The following NLGN4X variants were observed in gnomAD, a reference collection of about 807,000 sequenced individuals.
The protein encoded by NLGN4X is neuroligin 4 X-linked.
In NLGN4X, 3 loss-of-function variants were observed where a neutral mutation model predicts 40.3. The ratio of observed to expected loss-of-function variants is 0.07; its 90% CI spans 0.03 to 0.19. The LOEUF (loss-of-function observed/expected upper bound fraction) is 0.19, where lower values mean the gene tolerates loss of function less well. Ranked by LOEUF, NLGN4X falls within the 10% of genes least tolerant of loss-of-function variation. The pLI is 1.00. For missense variants in NLGN4X, 382 were observed against 708.3 expected (o/e 0.54, Z 5.23); for synonymous variants, 270 against 306.8 (o/e 0.88, Z 1.25).
intron 3 of NLGN4X, among the ~76,000 whole-genome samples, chrX:6,019,237 C>G (rs2036471605): frequency 8.9e-6 from 1 of 112,021 alleles, no homozygotes; most frequent in Non-Finnish European, 1.9e-5. Context: ...TCACTGCTGT[C>G]ATGCATGTAC....
At chrX:5,942,649 T>C (rs914421919) in intron 3 of NLGN4X, among the ~76,000 whole-genome samples, 4 of 106,750 alleles carry the variant, frequency 3.7e-5, no homozygotes, top group African/African-American at 1.4e-4. Context: ...AGAAAGACTC[T>C]GTCTCAAAAT....
chrX:5,925,899 T>TAGAA (rs1555921219), intron 3 of NLGN4X, among the ~76,000 whole-genome samples: 1 of 31,307 alleles, frequency 3.2e-5, no homozygotes, highest in Non-Finnish European at 4.7e-5. Context: ...TATATATATA[T>TAGAA]ATATATATAT....
At chrX:6,197,490 C>T (rs5916326) in intron 1 of NLGN4X, among the ~76,000 whole-genome samples, 10,687 of 103,682 alleles carry the variant, frequency 0.1, 506 homozygotes, top group South Asian at 0.17. Context: ...TGGTTGCTCT[C>T]GAACTCCTGG....
intron 1 of NLGN4X, among the ~76,000 whole-genome samples, chrX:6,177,445 C>A (rs891366264): frequency 3.6e-5 from 4 of 111,973 alleles, no homozygotes; most frequent in Non-Finnish European, 7.5e-5. Flanking sequence ...GGATTACAGG[C>A]GTGAGCCACT....
chrX:5,917,230 A>G (rs892870328), intron 3 of NLGN4X, among the ~76,000 whole-genome samples: 1 of 112,609 alleles, frequency 8.9e-6, no homozygotes, highest in Admixed American at 9.4e-5. Flanking sequence ...TCATGGACCC[A>G]GCACCATTTG....
At chrX:6,190,250 C>T (rs747792110) in intron 1 of NLGN4X, among the ~76,000 whole-genome samples, 9 of 111,219 alleles carry the variant, frequency 8.1e-5, no homozygotes, top group Non-Finnish European at 1.7e-4. Context: ...AGGACATGAC[C>T]TTGACAATCT....
chrX:6,140,358 G>C (rs2039918021), intron 2 of NLGN4X, among the ~76,000 whole-genome samples: 2 of 109,729 alleles, frequency 1.8e-5, no homozygotes, highest in Admixed American at 2.0e-4. Flanking sequence ...TTTAGGTGTT[G>C]TAAAACTTGG....
intron 1 of NLGN4X, among the ~76,000 whole-genome samples, chrX:6,214,770 C>G (rs763275478): frequency 5.5e-4 from 61 of 111,887 alleles, no homozygotes; most frequent in African/African-American, 2.0e-3. Flanking sequence ...TCATCACAGA[C>G]AAAGCCCTGT....
chrX:6,200,682 C>CTTTTCTTTTT (rs1556005122), intron 1 of NLGN4X, among the ~76,000 whole-genome samples: 10 of 71,633 alleles, frequency 1.4e-4, no homozygotes, highest in African/African-American at 6.4e-4. Flanking sequence ...TATTCCTTTC[C>CTTTTCTTTTT]TTTTCTTTTT....
intron 1 of NLGN4X, among the ~76,000 whole-genome samples, chrX:6,177,101 A>T (rs1920966885): frequency 8.9e-6 from 1 of 111,913 alleles, no homozygotes; most frequent in African/African-American, 3.2e-5. Context: ...GAGAGCATAC[A>T]ACTCCCCTTA....
chrX:6,149,094 G>T (rs1484006939), intron 2 of NLGN4X, among the ~76,000 whole-genome samples: 1 of 112,201 alleles, frequency 8.9e-6, no homozygotes, highest in Non-Finnish European at 1.9e-5. Flanking sequence ...ATGAAGTTTG[G>T]ATTACTTTTT....
intron 2 of NLGN4X, among the ~76,000 whole-genome samples, chrX:6,127,027 C>T (rs983332158): frequency 1.8e-5 from 2 of 110,288 alleles, no homozygotes; most frequent in African/African-American, 6.6e-5. Flanking sequence ...TCCTCATCTC[C>T]ACTCCTCTCT....
chrX:6,080,231 G>A (rs976691063), intron 2 of NLGN4X, among the ~76,000 whole-genome samples: 5 of 111,662 alleles, frequency 4.5e-5, no homozygotes, highest in Non-Finnish European at 9.4e-5. Context: ...GAAAATGACT[G>A]TATTTGAAAG....
chrX:6,064,295 G>A (rs1017891436), intron 2 of NLGN4X, among the ~76,000 whole-genome samples: 6 of 111,520 alleles, frequency 5.4e-5, no homozygotes, highest in South Asian at 3.8e-4. Flanking sequence ...GCCACACAGC[G>A]GGGAAGGCTG....
intron 1 of NLGN4X, among the ~76,000 whole-genome samples, chrX:6,207,956 C>T (rs1467904572): frequency 8.9e-6 from 1 of 111,908 alleles, no homozygotes. Flanking sequence ...AACACATCTG[C>T]CACATAAATT....
intron 3 of NLGN4X, among the ~76,000 whole-genome samples, chrX:6,001,830 G>T (rs926840279): frequency 1.8e-5 from 2 of 111,549 alleles, no homozygotes; most frequent in Admixed American, 9.5e-5. Flanking sequence ...ATCCAAGATA[G>T]AATACATTGA....
chrX:5,913,484 C>T, intron 3 of NLGN4X, among the ~76,000 whole-genome samples: 1 of 111,901 alleles, frequency 8.9e-6, no homozygotes, highest in South Asian at 3.7e-4. Flanking sequence ...CTTTAACTGA[C>T]AGGTCCTTTA....
chrX:5,990,891 G>A (rs2035664016), intron 3 of NLGN4X, among the ~76,000 whole-genome samples: 1 of 112,252 alleles, frequency 8.9e-6, no homozygotes, highest in South Asian at 3.7e-4. Context: ...AGCTTGCAGA[G>A]TGTATCTAGG....
intron 3 of NLGN4X, among the ~76,000 whole-genome samples, chrX:6,012,345 T>C (rs1290713506): frequency 2.7e-5 from 3 of 112,204 alleles, no homozygotes; most frequent in East Asian, 5.7e-4. Flanking sequence ...ACTGCATGAC[T>C]ACATTATTTG....
Sources: allele counts gnomAD v4.1 joint callset (sites outside exome capture counted in the v4.1 genomes callset), GRCh38; gene constraint gnomAD v4.1.1; transcripts MANE v1.5; gene names NCBI Gene and HGNC (gene_info 2026-07-23, HGNC 2026-07-21).